Variants in DLG2 observed in about 807,000 individuals in gnomAD.
DLG2 encodes the protein discs large MAGUK scaffold protein 2.
In DLG2, 45 loss-of-function variants were observed where a neutral mutation model predicts 132.5. That is an observed-to-expected ratio of 0.34 (90% confidence interval 0.27 to 0.44). The LOEUF is 0.44. DLG2 is among the 20% of genes least tolerant of loss of function. DLG2 has a pLI of 1.00. For missense variants in DLG2, 1,045 were observed against 1,196.9 expected (o/e 0.87, Z 1.87); for synonymous variants, 424 against 419.6 (o/e 1.01, Z -0.13).
At chr11:85,080,728 T>C (rs1593805605) in intron 6 of DLG2, among the ~76,000 whole-genome samples, 1 of 152,136 alleles carries the variant, frequency 6.6e-6, no homozygotes, top group Non-Finnish European at 1.5e-5. Flanking sequence ...AACAATATTT[T>C]ATATAGACCC....
chr11:83,550,978 C>T (rs1010695625), intron 19 of DLG2, among the ~76,000 whole-genome samples: 1 of 152,158 alleles, frequency 6.6e-6, no homozygotes, highest in Non-Finnish European at 1.5e-5. Flanking sequence ...AGTCGATTAT[C>T]ATTCAAACAT....
intron 7 of DLG2, among the ~76,000 whole-genome samples, chr11:84,349,778 T>C (rs1449894219): frequency 6.6e-6 from 1 of 152,142 alleles, no homozygotes; most frequent in Non-Finnish European, 1.5e-5. Context: ...GCAGAGAGGA[T>C]TGTTTGAGAC....
chr11:83,870,088 C>T lies in DLG2; in HGVS notation c.1565+4332G>A, dbSNP rs1008001704. Among the ~76,000 whole-genome samples, 8 of 152,286 alleles carry T rather than the reference C, an allele frequency of 5.3e-5. No individual in the cohort carries two copies. The South Asian group carries it at 1.7e-3, about 32-fold the overall frequency. ...AATTTGTGCCACCTCCCCTGAGAAT[C>T]CTCCCTTCCTTTCCAGAGGCAAATG... On this transcript the variant is annotated intron_variant, in intron 16 of 27. Coordinates refer to ENST00000376104, the MANE Select transcript of DLG2 (RefSeq NM_001142699.3).
intron 19 of DLG2, among the ~76,000 whole-genome samples, chr11:83,590,658 A>G (rs1353437012): frequency 1.3e-5 from 2 of 152,198 alleles, no homozygotes; most frequent in African/African-American, 4.8e-5. Flanking sequence ...AACTGAAGGT[A>G]ATAGAGACAC....
chr11:85,281,798 G>C (rs1478585353), intron 4 of DLG2, among the ~76,000 whole-genome samples: 2 of 152,008 alleles, frequency 1.3e-5, no homozygotes. Context: ...GAACGGTATG[G>C]AGGTTCCTCA....
chr11:84,324,153 A>C (rs58219106), intron 7 of DLG2, among the ~76,000 whole-genome samples: 63,953 of 151,530 alleles, frequency 0.42, 13,623 homozygotes, highest in East Asian at 0.62. Flanking sequence ...GTTGTATAGG[A>C]TTTTCTTTAT....
At chr11:85,464,013 C>A (rs889893364) in intron 3 of DLG2, among the ~76,000 whole-genome samples, 67 of 150,298 alleles carry the variant, frequency 4.5e-4, no homozygotes, top group African/African-American at 1.5e-3. Flanking sequence ...CATACACACA[C>A]ACACACACAC....
chr11:85,483,509 A>G (rs1000933715), intron 3 of DLG2, among the ~76,000 whole-genome samples: 1 of 152,230 alleles, frequency 6.6e-6, no homozygotes, highest in Non-Finnish European at 1.5e-5. Context: ...AAGGATGCTA[A>G]TTAATAAGTA....
chr11:85,099,611 T>C (rs1222112319), intron 6 of DLG2, among the ~76,000 whole-genome samples: 3 of 152,198 alleles, frequency 2.0e-5, no homozygotes, highest in Non-Finnish European at 4.4e-5. Flanking sequence ...CTGAATGTTG[T>C]AGGAAAAGCT....
intron 2 of DLG2, among the ~76,000 whole-genome samples, chr11:85,607,238 GA>G (rs1784902246): frequency 6.6e-6 from 1 of 152,182 alleles, no homozygotes; most frequent in South Asian, 2.1e-4. Context: ...GGCTTTCTGG[GA>G]AAGGGCTCTC....
intron 5 of DLG2, among the ~76,000 whole-genome samples, chr11:85,113,746 G>C (rs931548851): frequency 1.3e-5 from 2 of 151,866 alleles, no homozygotes; most frequent in African/African-American, 4.8e-5. Context: ...AAAGTTTCTT[G>C]GATCCATCAT....
chr11:84,811,313 G>T (rs2076535139), intron 6 of DLG2, among the ~76,000 whole-genome samples: 1 of 152,072 alleles, frequency 6.6e-6, no homozygotes, highest in Non-Finnish European at 1.5e-5. Context: ...AAAAAGAGGG[G>T]AGCAAGAGGA....
chr11:84,798,240 TTG>T (rs1224167682), intron 6 of DLG2, among the ~76,000 whole-genome samples: 2 of 152,144 alleles, frequency 1.3e-5, no homozygotes, highest in Non-Finnish European at 2.9e-5. Flanking sequence ...CCATTCAGGT[TTG>T]TGTTCTTCCC....
chr11:84,101,638 C>A (rs2092535466), intron 9 of DLG2, among the ~76,000 whole-genome samples: 1 of 151,944 alleles, frequency 6.6e-6, no homozygotes, highest in Non-Finnish European at 1.5e-5. Context: ...GTTTAGGGGA[C>A]TTAATGAGGC....
intron 6 of DLG2, among the ~76,000 whole-genome samples, chr11:84,786,660 G>A (rs920978819): frequency 3.3e-5 from 5 of 152,264 alleles, no homozygotes; most frequent in African/African-American, 9.6e-5. Flanking sequence ...AAGCTCCAAT[G>A]AGCCATAACC....
chr11:85,016,448 T>G (rs928055132), intron 6 of DLG2, among the ~76,000 whole-genome samples: 16 of 152,170 alleles, frequency 1.1e-4, no homozygotes, highest in Non-Finnish European at 2.4e-4. Flanking sequence ...TTAGCCAGCT[T>G]GAAACTAATG....
At chr11:85,170,150 A>T (rs2078737535) in intron 4 of DLG2, among the ~76,000 whole-genome samples, 1 of 152,250 alleles carries the variant, frequency 6.6e-6, no homozygotes, top group Non-Finnish European at 1.5e-5. Flanking sequence ...TTTAAAAAAT[A>T]AATCTGATAA....
chr11:84,152,607 C>G (rs1228798072), intron 9 of DLG2, among the ~76,000 whole-genome samples: 1 of 151,934 alleles, frequency 6.6e-6, no homozygotes, highest in Non-Finnish European at 1.5e-5. Context: ...AGGATGGTCT[C>G]GATCTCCTGA....
chr11:83,930,292 G>T (rs187598173), intron 15 of DLG2, 36 bp downstream of exon 15: 70 of 1,609,022 alleles, frequency 4.4e-5, no homozygotes, highest in Non-Finnish European at 5.4e-5. Flanking sequence ...AGCACATGCA[G>T]TTCGAGAAGA....
Sources: allele counts gnomAD v4.1 joint callset (sites outside exome capture counted in the v4.1 genomes callset), GRCh38; gene constraint gnomAD v4.1.1; transcripts MANE v1.5; gene names NCBI Gene and HGNC (gene_info 2026-07-23, HGNC 2026-07-21).